NOL4: variants seen among roughly 807,000 people sequenced by gnomAD.
The protein encoded by NOL4 is nucleolar protein 4.
In NOL4, 17 loss-of-function variants were observed where a neutral mutation model predicts 75.9. That is an observed-to-expected ratio of 0.22 (90% CI 0.15 to 0.34). NOL4 has a LOEUF of 0.34. Ranked by LOEUF, NOL4 falls within the 10% of genes least tolerant of loss-of-function variation. The probability of loss-of-function intolerance (pLI) is 1.00; values close to 1 mark genes in which losing one functional copy is unlikely to be tolerated. For missense variants in NOL4, 614 were observed against 793.5 expected, an observed-to-expected ratio of 0.77 and a Z score of 2.72; for synonymous variants, 292 against 289.9, an observed-to-expected ratio of 1.01 and a Z score of -0.07.
chr18:33,864,266 C>G (rs1471697673), intron 10 of NOL4, among the ~76,000 whole-genome samples: 1 of 152,190 alleles, frequency 6.6e-6, no homozygotes, highest in Non-Finnish European at 1.5e-5. Context: ...CTGTAGCTGG[C>G]TTGAATTTCT....
At chr18:34,201,775 T>A (rs974763220) in intron 1 of NOL4, among the ~76,000 whole-genome samples, 11 of 151,874 alleles carry the variant, frequency 7.2e-5, no homozygotes, top group Admixed American at 2.0e-4. Flanking sequence ...ATTATATTTT[T>A]AAAATATCTG....
intron 8 of NOL4, among the ~76,000 whole-genome samples, chr18:33,956,245 A>G (rs1337196313): frequency 1.3e-5 from 2 of 152,188 alleles, no homozygotes; most frequent in Admixed American, 6.6e-5. Flanking sequence ...ATTTGTCTAC[A>G]GATTAATTTA....
At chr18:33,869,217 ATATT>A (rs2063578525) in intron 10 of NOL4, among the ~76,000 whole-genome samples, 1 of 151,998 alleles carries the variant, frequency 6.6e-6, no homozygotes, top group Non-Finnish European at 1.5e-5. Context: ...TATAAGGTAT[ATATT>A]TATAGGACAA....
intron 1 of NOL4, among the ~76,000 whole-genome samples, chr18:34,170,410 T>C (rs1279215140): frequency 6.6e-6 from 1 of 152,018 alleles, no homozygotes; most frequent in Non-Finnish European, 1.5e-5. Context: ...CAGGCTGGTC[T>C]CAAACTCCTG....
chr18:33,889,721 G>C (rs763614332), intron 9 of NOL4, among the ~76,000 whole-genome samples: 7 of 152,118 alleles, frequency 4.6e-5, no homozygotes, highest in Non-Finnish European at 1.0e-4. Flanking sequence ...TGGGATGCAA[G>C]GCTGGTTCAA....
At chr18:34,165,227 A>T (rs1199222505) in intron 1 of NOL4, among the ~76,000 whole-genome samples, 1 of 140,146 alleles carries the variant, frequency 7.1e-6, no homozygotes, top group Non-Finnish European at 1.6e-5. Context: ...GTACCCTAAA[A>T]CTTAAAGTAT....
chr18:33,939,991 A>G (rs1335380251), intron 9 of NOL4, among the ~76,000 whole-genome samples: 1 of 152,092 alleles, frequency 6.6e-6, no homozygotes, highest in East Asian at 1.9e-4. Context: ...GCAAATCAAA[A>G]CCACAATGAG....
At chr18:34,097,613 A>C (rs1835542715) in intron 4 of NOL4, among the ~76,000 whole-genome samples, 1 of 152,194 alleles carries the variant, frequency 6.6e-6, no homozygotes, top group South Asian at 2.1e-4. Context: ...AGTGTGACTT[A>C]AGACCTGAAT....
chr18:34,138,074 A>T (rs2080974196), intron 1 of NOL4, among the ~76,000 whole-genome samples: 2 of 152,180 alleles, frequency 1.3e-5, no homozygotes, highest in African/African-American at 2.4e-5. Context: ...CACATATTGT[A>T]TGATTCAATT....
At chr18:34,199,370 T>C (rs957990361) in intron 1 of NOL4, among the ~76,000 whole-genome samples, 1 of 151,684 alleles carries the variant, frequency 6.6e-6, no homozygotes, top group Non-Finnish European at 1.5e-5. Context: ...AATGAGACAG[T>C]AGCTTCAAAT....
chr18:34,180,532 A>C (rs2033947569), intron 1 of NOL4, among the ~76,000 whole-genome samples: 2 of 151,598 alleles, frequency 1.3e-5, no homozygotes, highest in Non-Finnish European at 3.0e-5. Context: ...CATTAAGCAT[A>C]ATATCCCCCC....
intron 2 of NOL4, among the ~76,000 whole-genome samples, chr18:34,108,923 C>G (rs1253875443): frequency 6.6e-6 from 1 of 152,038 alleles, no homozygotes; most frequent in Non-Finnish European, 1.5e-5. Flanking sequence ...GAAGAATCTT[C>G]AGGATAGATC....
intron 5 of NOL4, among the ~76,000 whole-genome samples, chr18:34,025,561 T>G (rs1302357543): frequency 1.3e-5 from 2 of 152,194 alleles, no homozygotes; most frequent in Non-Finnish European, 2.9e-5. Flanking sequence ...TGATCACTAA[T>G]TCTCCAGCTA....
chr18:34,094,210 A>C lies in NOL4; in HGVS notation c.640-613T>G, dbSNP rs1185844286. Among the ~76,000 whole-genome samples, 4 of 152,238 alleles carry C rather than the reference A, an allele frequency of 2.6e-5. No individual in the cohort carries two copies. The East Asian group carries it at 7.7e-4, about 29-fold the overall frequency. ...AAATACAAGTTTTGATTTAAAACTA[A>C]ATGACCAAAAAATGTTGTAAGCAGA... On this transcript the variant is annotated intron_variant, in intron 4 of 10. Transcript: ENST00000261592.
At position 34,113,134 on chromosome 18, in the gene NOL4, T is replaced by G. The variant is rs188742956; in HGVS notation, c.415-7974A>C. On this transcript the variant is annotated intron_variant, in intron 2 of 10. Transcript: ENST00000261592. ...ACAGGTGCGGACCACTAAGCCCAAC[T>G]TTTTTTGTTTTGTTTTGTTTTGTTT... Among the ~76,000 whole-genome samples the G allele has an allele frequency of 1.5e-3, 235 of 151,962 alleles. 2 individuals carry two copies. Among genetic ancestry groups the G allele is most frequent in the African/African-American group, 5.5e-3 (228 of 41,476 alleles).
At chr18:34,186,097 G>T (rs1229832396) in intron 1 of NOL4, among the ~76,000 whole-genome samples, 1 of 152,020 alleles carries the variant, frequency 6.6e-6, no homozygotes, top group Non-Finnish European at 1.5e-5. Context: ...TTTGCTGTTT[G>T]CTGACAAAAA....
chr18:34,209,592 T>C (rs536061059), intron 1 of NOL4, among the ~76,000 whole-genome samples: 1 of 152,160 alleles, frequency 6.6e-6, no homozygotes, highest in Non-Finnish European at 1.5e-5. Context: ...CCAGTGATTA[T>C]ATTTTTGGAG....
intron 1 of NOL4, among the ~76,000 whole-genome samples, chr18:34,192,165 G>A (rs1443503642): frequency 2.0e-5 from 3 of 152,084 alleles, no homozygotes; most frequent in South Asian, 4.1e-4. Flanking sequence ...CAAGTTTATA[G>A]CTCTTTGAGA....
intron 9 of NOL4, among the ~76,000 whole-genome samples, chr18:33,932,721 T>C (rs919273059): frequency 1.3e-5 from 2 of 152,112 alleles, no homozygotes; most frequent in Non-Finnish European, 1.5e-5. Context: ...TTTTAAAGTA[T>C]GATTCTAAAG....
Sources: allele counts gnomAD v4.1 joint callset (sites outside exome capture counted in the v4.1 genomes callset), GRCh38; gene constraint gnomAD v4.1.1; transcripts MANE v1.5; gene names NCBI Gene and HGNC (gene_info 2026-07-23, HGNC 2026-07-21).